ZFPM2: variants seen among roughly 807,000 people sequenced by gnomAD.
The protein encoded by ZFPM2 is zinc finger protein ZFPM2.
ZFPM2 carries 20 observed loss-of-function variants against 98.6 expected under a neutral mutation model. The observed-to-expected ratio is 0.20, with a 90% CI of 0.14 to 0.29. The LOEUF is 0.29. Ranked by LOEUF, ZFPM2 falls within the 10% of genes least tolerant of loss-of-function variation. The probability of loss-of-function intolerance (pLI) is 1.00; values close to 1 mark genes in which losing one functional copy is unlikely to be tolerated. For synonymous variants in ZFPM2, 518 were observed against 502.7 expected (o/e 1.03, Z -0.41); for missense variants, 1,310 against 1,388.6 (o/e 0.94, Z 0.90).
At chr8:105,712,728 C>G (rs1408651955) in intron 5 of ZFPM2, among the ~76,000 whole-genome samples, 1 of 152,008 alleles carries the variant, frequency 6.6e-6, no homozygotes, top group Non-Finnish European at 1.5e-5. Flanking sequence ...CTTTTGGAGT[C>G]CCCAGTGTCT....
chr8:105,650,449 G>A (rs1817147724), intron 5 of ZFPM2, among the ~76,000 whole-genome samples: 1 of 152,082 alleles, frequency 6.6e-6, no homozygotes, highest in Non-Finnish European at 1.5e-5. Context: ...TACTTCTCTA[G>A]TTCTTTCAAT....
chr8:105,616,683 A>G, intron 4 of ZFPM2: 1 of 393,524 alleles, frequency 2.5e-6, no homozygotes, highest in Non-Finnish European at 5.0e-6. Flanking sequence ...TAATAATAAT[A>G]AGGTAACCAA....
At chr8:105,378,395 C>A (rs1424589711) in intron 1 of ZFPM2, among the ~76,000 whole-genome samples, 1 of 152,160 alleles carries the variant, frequency 6.6e-6, no homozygotes, top group East Asian at 1.9e-4. Context: ...ACTCCCTTGT[C>A]TGAACTCTCA....
At chr8:105,446,632 TTTTA>T (rs1282218910) in intron 3 of ZFPM2, among the ~76,000 whole-genome samples, 3 of 152,184 alleles carry the variant, frequency 2.0e-5, no homozygotes, top group African/African-American at 7.2e-5. Context: ...AATTTAATGT[TTTTA>T]TTTATTTGCT....
At chr8:105,504,817 G>C (rs1813664402) in intron 3 of ZFPM2, among the ~76,000 whole-genome samples, 1 of 152,036 alleles carries the variant, frequency 6.6e-6, no homozygotes, top group African/African-American at 2.4e-5. Flanking sequence ...TGGGTTCCTA[G>C]GGAAGGGAAA....
chr8:105,514,137 G>T (rs1017978593), intron 3 of ZFPM2, among the ~76,000 whole-genome samples: 1 of 151,550 alleles, frequency 6.6e-6, no homozygotes, highest in Non-Finnish European at 1.5e-5. Context: ...TGAGTAGCTG[G>T]GATTACAGGT....
chr8:105,594,451 C>T (rs1271911843), intron 4 of ZFPM2, among the ~76,000 whole-genome samples: 1 of 152,032 alleles, frequency 6.6e-6, no homozygotes, highest in African/African-American at 2.4e-5. Flanking sequence ...TTTAACTCAG[C>T]TCTACATTGT....
At chr8:105,508,366 C>T (rs1418701709) in intron 3 of ZFPM2, among the ~76,000 whole-genome samples, 2 of 152,086 alleles carry the variant, frequency 1.3e-5, no homozygotes, top group African/African-American at 4.8e-5. Flanking sequence ...CCGACCCCTA[C>T]CCCCAACCTC....
intron 1 of ZFPM2, among the ~76,000 whole-genome samples, chr8:105,324,361 A>G (rs1483496961): frequency 6.6e-6 from 1 of 151,892 alleles, no homozygotes; most frequent in African/African-American, 2.4e-5. Flanking sequence ...ATTACAGTTA[A>G]GGTAACTCAT....
intron 1 of ZFPM2, among the ~76,000 whole-genome samples, chr8:105,390,929 A>G (rs1474181956): frequency 6.6e-6 from 1 of 152,196 alleles, no homozygotes; most frequent in Non-Finnish European, 1.5e-5. Flanking sequence ...AGTTGAAGAT[A>G]TTGATGAAAC....
At chr8:105,545,981 C>T (rs947001002) in intron 3 of ZFPM2, among the ~76,000 whole-genome samples, 13 of 152,126 alleles carry the variant, frequency 8.5e-5, no homozygotes, top group African/African-American at 2.4e-4. Context: ...TTGCCCTTTA[C>T]AGCCACATAC....
chr8:105,435,149 A>G (rs890140832), intron 2 of ZFPM2, among the ~76,000 whole-genome samples: 5 of 152,160 alleles, frequency 3.3e-5, no homozygotes, highest in African/African-American at 4.8e-5. Flanking sequence ...ATTTCCTCCT[A>G]TAGGACTCTC....
chr8:105,516,298 G>A (rs1813920812), intron 3 of ZFPM2, among the ~76,000 whole-genome samples: 1 of 152,150 alleles, frequency 6.6e-6, no homozygotes, highest in African/African-American at 2.4e-5. Context: ...CAGTCAATTT[G>A]TCTTAAGCCA....
intron 3 of ZFPM2, among the ~76,000 whole-genome samples, chr8:105,461,161 G>A (rs1812698031): frequency 1.3e-5 from 2 of 152,122 alleles, no homozygotes; most frequent in Admixed American, 6.5e-5. Flanking sequence ...AATAATTCAT[G>A]ATTAATATAT....
chr8:105,419,590 A>G (rs1437654426), intron 2 of ZFPM2, among the ~76,000 whole-genome samples: 1 of 152,116 alleles, frequency 6.6e-6, no homozygotes, highest in Non-Finnish European at 1.5e-5. Flanking sequence ...AATGTTGATC[A>G]TTTATTCATT....
At chr8:105,631,481 T>C (rs1259008618) in intron 4 of ZFPM2, among the ~76,000 whole-genome samples, 1 of 152,156 alleles carries the variant, frequency 6.6e-6, no homozygotes, top group Non-Finnish European at 1.5e-5. Context: ...TGTTCAGCCT[T>C]TGCCCACACT....
At chr8:105,369,889 C>G (rs1483351005) in intron 1 of ZFPM2, among the ~76,000 whole-genome samples, 1 of 152,016 alleles carries the variant, frequency 6.6e-6, no homozygotes, top group Non-Finnish European at 1.5e-5. Flanking sequence ...CATGAATACA[C>G]ATACAAATAA....
Position 105,532,830 on chromosome 8 carries a change from C to G in ZFPM2, c.302-28533C>G, listed in dbSNP as rs775486064. ...TGGTTTACAAGAACTATGGAAGAAA[C>G]TAGAAAGTAAGAGAGATCAGCAGTG... On this transcript the variant is annotated intron_variant, in intron 3 of 7. Coordinates refer to ENST00000407775, the MANE Select transcript of ZFPM2 (RefSeq NM_012082.4). 2.8e-4 allele frequency among the ~76,000 whole-genome samples: 43 copies of G among 151,442 alleles called. 1 individual carries two copies. The highest frequency in any genetic ancestry group is 4.3e-4 in the Non-Finnish European group (29 of 67,966).
chr8:105,728,967 C>G (rs189623739), intron 5 of ZFPM2, among the ~76,000 whole-genome samples: 1 of 151,504 alleles, frequency 6.6e-6, no homozygotes, highest in African/African-American at 2.4e-5. Flanking sequence ...GATAAGAAGG[C>G]TTTGAGTGTT....
Sources: allele counts gnomAD v4.1 joint callset (sites outside exome capture counted in the v4.1 genomes callset), GRCh38; gene constraint gnomAD v4.1.1; transcripts MANE v1.5; gene names NCBI Gene and HGNC (gene_info 2026-07-23, HGNC 2026-07-21).